The following CCBE1 variants were observed in gnomAD, a reference collection of about 807,000 sequenced individuals.
CCBE1 encodes collagen and calcium binding EGF domains 1.
In CCBE1, 37 loss-of-function variants were observed where a neutral mutation model predicts 50.0. The observed-to-expected ratio is 0.74, with a 90% CI of 0.57 to 0.97. CCBE1 has a LOEUF of 0.97. Ranked by LOEUF, CCBE1 falls within the 50% of genes least tolerant of loss-of-function variation. The pLI, the probability that CCBE1 is intolerant of heterozygous loss-of-function variation, is 0.00. For synonymous variants in CCBE1, 234 were observed against 203.7 expected, an observed-to-expected ratio of 1.15 and a Z score of -1.27; for missense variants, 538 against 523.8, an observed-to-expected ratio of 1.03 and a Z score of -0.26.
At chr18:59,601,010 GTTT>G (rs71177045) in intron 2 of CCBE1, among the ~76,000 whole-genome samples, 8 of 58,006 alleles carry the variant, frequency 1.4e-4, no homozygotes, top group African/African-American at 3.8e-4. Context: ...CTATGTGTCA[GTTT>G]TTTTTTTTTT....
At chr18:59,471,829 A>T (rs919951132) in intron 3 of CCBE1, among the ~76,000 whole-genome samples, 1 of 152,232 alleles carries the variant, frequency 6.6e-6, no homozygotes, top group Non-Finnish European at 1.5e-5. Context: ...CTTCCTATTC[A>T]TGAAAGCCTA....
At chr18:59,579,025 G>A (rs1014826096) in intron 2 of CCBE1, among the ~76,000 whole-genome samples, 4 of 152,154 alleles carry the variant, frequency 2.6e-5, no homozygotes, top group Admixed American at 6.5e-5. Context: ...ATAGATGCTT[G>A]TCAAATTACT....
At chr18:59,539,937 A>G (rs993197779) in intron 2 of CCBE1, among the ~76,000 whole-genome samples, 6 of 152,124 alleles carry the variant, frequency 3.9e-5, no homozygotes, top group Non-Finnish European at 7.4e-5. Context: ...TTCAAATTCT[A>G]TATGTTCTTG....
intron 2 of CCBE1, among the ~76,000 whole-genome samples, chr18:59,640,379 G>A (rs1003684140): frequency 2.6e-5 from 4 of 152,018 alleles, no homozygotes; most frequent in Non-Finnish European, 4.4e-5. Flanking sequence ...CAAGCAATAG[G>A]GAAAGGACTC....
At chr18:59,505,054 A>T (rs1171700546) in intron 2 of CCBE1, among the ~76,000 whole-genome samples, 1 of 152,222 alleles carries the variant, frequency 6.6e-6, no homozygotes, top group East Asian at 1.9e-4. Context: ...TCCTTACTGC[A>T]AAGTGAGGGA....
At chr18:59,566,213 C>T (rs2144469100) in intron 2 of CCBE1, among the ~76,000 whole-genome samples, 1 of 152,318 alleles carries the variant, frequency 6.6e-6, no homozygotes, top group South Asian at 2.1e-4. Context: ...TTTCTTTCCA[C>T]CCACAGGGTG....
intron 2 of CCBE1, among the ~76,000 whole-genome samples, chr18:59,499,115 C>T (rs1913491893): frequency 6.6e-6 from 1 of 152,162 alleles, no homozygotes; most frequent in Admixed American, 6.5e-5. Flanking sequence ...TAAAGGATTC[C>T]TTCATTTAAT....
chr18:59,490,925 T>G (rs1913069429), intron 2 of CCBE1, among the ~76,000 whole-genome samples: 1 of 152,208 alleles, frequency 6.6e-6, no homozygotes, highest in South Asian at 2.1e-4. Context: ...TGGTGGCTAA[T>G]TTTTGGAAGC....
At chr18:59,663,773 G>A (rs749884733) in intron 2 of CCBE1, among the ~76,000 whole-genome samples, 4 of 152,140 alleles carry the variant, frequency 2.6e-5, no homozygotes, top group African/African-American at 4.8e-5. Context: ...TCATGAGACT[G>A]TCATGAGGCA....
chr18:59,448,205 T>C, intron 6 of CCBE1, 102 bp from the exon 7 acceptor site: 1 of 1,518,666 alleles, frequency 6.6e-7, no homozygotes. Context: ...ATGAGACATA[T>C]GTATATACTT....
At chr18:59,524,017 C>A (rs1227829004) in intron 2 of CCBE1, among the ~76,000 whole-genome samples, 1 of 152,188 alleles carries the variant, frequency 6.6e-6, no homozygotes, top group African/African-American at 2.4e-5. Flanking sequence ...TTTATGGCTA[C>A]AAACTTTTAA....
At chr18:59,644,347 A>G (rs1568250593) in intron 2 of CCBE1, among the ~76,000 whole-genome samples, 1 of 152,154 alleles carries the variant, frequency 6.6e-6, no homozygotes, top group Non-Finnish European at 1.5e-5. Context: ...TCTATGGAAC[A>G]CAATTTGAGA....
intron 2 of CCBE1, among the ~76,000 whole-genome samples, chr18:59,540,889 C>T (rs565380110): frequency 2.0e-5 from 3 of 152,236 alleles, no homozygotes; most frequent in Admixed American, 1.3e-4. Flanking sequence ...TGATAGAGAC[C>T]CTAAGAAACT....
At chr18:59,622,670 A>G (rs1218041262) in intron 2 of CCBE1, among the ~76,000 whole-genome samples, 1 of 148,884 alleles carries the variant, frequency 6.7e-6, no homozygotes, top group East Asian at 2.0e-4. Flanking sequence ...GCGTGGTGGC[A>G]TGCGCCTATA....
At chr18:59,572,036 T>C (rs577036104) in intron 2 of CCBE1, among the ~76,000 whole-genome samples, 1 of 152,172 alleles carries the variant, frequency 6.6e-6, no homozygotes, top group South Asian at 2.1e-4. Flanking sequence ...GACACCAAAG[T>C]GGGTTTTTAT....
chr18:59,471,702 T>C (rs926521158), intron 3 of CCBE1, among the ~76,000 whole-genome samples: 2 of 152,188 alleles, frequency 1.3e-5, no homozygotes, highest in Non-Finnish European at 2.9e-5. Context: ...TATTCCTGTG[T>C]CAGTTGCCAG....
At chr18:59,665,789 G>A (rs1299525714) in intron 2 of CCBE1, among the ~76,000 whole-genome samples, 1 of 152,208 alleles carries the variant, frequency 6.6e-6, no homozygotes. Flanking sequence ...CAAGAGCAGA[G>A]CAAGTGGGTC....
At chr18:59,490,770 T>A (rs1913062015) in intron 2 of CCBE1, among the ~76,000 whole-genome samples, 1 of 152,228 alleles carries the variant, frequency 6.6e-6, no homozygotes, top group African/African-American at 2.4e-5. Flanking sequence ...ATAGTATCAT[T>A]TAGTAGGATA....
chr18:59,473,706 C>T (rs1912153264), intron 3 of CCBE1, among the ~76,000 whole-genome samples: 1 of 143,456 alleles, frequency 7.0e-6, no homozygotes, highest in Non-Finnish European at 1.5e-5. Flanking sequence ...CACTACTCCC[C>T]CCCTACTACT....
Sources: gnomAD v4.1 joint callset for allele counts (sites outside exome capture counted in the v4.1 genomes callset) on GRCh38, gnomAD v4.1.1 for gene constraint, MANE v1.5 for transcripts, NCBI Gene and HGNC (gene_info 2026-07-23, HGNC 2026-07-21) for gene names.